The following CSMD1 variants were observed in gnomAD, a reference collection of about 807,000 sequenced individuals.
The protein encoded by CSMD1 is CUB and sushi domain-containing protein 1.
Under a neutral mutation model 417.5 loss-of-function variants are expected in CSMD1, and 213 were observed. The ratio of observed to expected loss-of-function variants is 0.51; its 90% CI spans 0.46 to 0.57. The LOEUF (loss-of-function observed/expected upper bound fraction) is 0.57. Among genes scored for constraint, CSMD1 ranks in the 20% least tolerant of loss-of-function variants. CSMD1 has a pLI of 0.00. For synonymous variants in CSMD1, 2,862 were observed against 1,736.8 expected (o/e 1.65, Z -16.11); for missense variants, 6,923 against 4,529.7 (o/e 1.53, Z -15.17).
chr8:4,473,858 A>G (rs1800661139), intron 2 of CSMD1, among the ~76,000 whole-genome samples: 1 of 152,204 alleles, frequency 6.6e-6, no homozygotes, highest in African/African-American at 2.4e-5. Flanking sequence ...CGTAGCATAT[A>G]TAAGAATTTA....
intron 2 of CSMD1, among the ~76,000 whole-genome samples, chr8:4,633,096 G>C (rs942429553): frequency 2.0e-5 from 3 of 152,186 alleles, no homozygotes; most frequent in South Asian, 4.1e-4. Flanking sequence ...GTGTTCCCGA[G>C]AGGGGAGCCT....
chr8:4,625,190 C>T (rs1357626818), intron 2 of CSMD1, among the ~76,000 whole-genome samples: 1 of 150,120 alleles, frequency 6.7e-6, no homozygotes, highest in Admixed American at 6.7e-5. Flanking sequence ...CAGAGACCCA[C>T]AGGCAACCTC....
intron 6 of CSMD1, among the ~76,000 whole-genome samples, chr8:3,721,737 G>A (rs1343723403): frequency 6.6e-6 from 1 of 152,062 alleles, no homozygotes; most frequent in East Asian, 1.9e-4. Context: ...AAAAATAAAG[G>A]AACAGAATTC....
At chr8:3,146,152 T>C (rs1225889528) in intron 40 of CSMD1, among the ~76,000 whole-genome samples, 2 of 152,150 alleles carry the variant, frequency 1.3e-5, no homozygotes, top group Non-Finnish European at 2.9e-5. Context: ...TTGGAGAGCA[T>C]TGTGTGCACT....
At chr8:3,736,103 G>A (rs1460332481) in intron 6 of CSMD1, among the ~76,000 whole-genome samples, 1 of 152,134 alleles carries the variant, frequency 6.6e-6, no homozygotes, top group Non-Finnish European at 1.5e-5. Flanking sequence ...CAACACTGTT[G>A]TATGCAGTTT....
chr8:4,225,543 C>G (rs915831522), intron 3 of CSMD1, among the ~76,000 whole-genome samples: 5 of 127,512 alleles, frequency 3.9e-5, no homozygotes, highest in South Asian at 2.5e-4. Context: ...TCTATTTTTT[C>G]TTCTTCCTTA....
At chr8:4,444,801 T>C (rs1036119235) in intron 2 of CSMD1, among the ~76,000 whole-genome samples, 1 of 152,136 alleles carries the variant, frequency 6.6e-6, no homozygotes, top group Non-Finnish European at 1.5e-5. Flanking sequence ...TTCCAGATAA[T>C]CAGATGCTTG....
chr8:4,724,881 T>A (rs758279953), intron 1 of CSMD1, among the ~76,000 whole-genome samples: 3 of 152,118 alleles, frequency 2.0e-5, no homozygotes, highest in Non-Finnish European at 4.4e-5. Flanking sequence ...TATTAAAACC[T>A]CAACTATAAT....
intron 5 of CSMD1, among the ~76,000 whole-genome samples, chr8:3,971,088 T>C (rs145358146): frequency 2.6e-5 from 4 of 152,174 alleles, no homozygotes. Flanking sequence ...AGCCGATGTC[T>C]GATGACATAG....
chr8:4,759,425 C>T (rs1811884681), intron 1 of CSMD1, among the ~76,000 whole-genome samples: 1 of 152,172 alleles, frequency 6.6e-6, no homozygotes. Flanking sequence ...ATTTTAAGTT[C>T]AAGGGTACAT....
intron 1 of CSMD1, among the ~76,000 whole-genome samples, chr8:4,834,941 G>A (rs6990677): frequency 0.85 from 103,752 of 122,100 alleles, 45,723 homozygotes; most frequent in East Asian, 0.98. Context: ...TGGGCGACAG[G>A]GCCAGACTCC....
At chr8:3,307,076 CT>C (rs1804920012) in intron 25 of CSMD1, among the ~76,000 whole-genome samples, 1 of 152,114 alleles carries the variant, frequency 6.6e-6, no homozygotes, top group Non-Finnish European at 1.5e-5. Context: ...GCACACAAGT[CT>C]TTTTAAAATA....
intron 7 of CSMD1, among the ~76,000 whole-genome samples, chr8:3,705,434 C>G (rs556608430): frequency 1.4e-4 from 21 of 152,316 alleles, no homozygotes; most frequent in African/African-American, 5.1e-4. Flanking sequence ...GTGAAGCCAG[C>G]ACTGGATGAA....
At chr8:3,078,843 A>G (rs1398945936) in intron 49 of CSMD1, among the ~76,000 whole-genome samples, 1 of 152,132 alleles carries the variant, frequency 6.6e-6, no homozygotes, top group Non-Finnish European at 1.5e-5. Flanking sequence ...ATAGGTTTGC[A>G]CCAAAAACAC....
chr8:4,291,565 T>G (rs1038754957), intron 3 of CSMD1, among the ~76,000 whole-genome samples: 1 of 152,216 alleles, frequency 6.6e-6, no homozygotes, highest in Non-Finnish European at 1.5e-5. Context: ...GTGTAGAAAT[T>G]TTATTAAAGC....
intron 3 of CSMD1, among the ~76,000 whole-genome samples, chr8:4,107,609 G>A (rs1238152914): frequency 1.3e-5 from 2 of 152,166 alleles, no homozygotes; most frequent in African/African-American, 4.8e-5. Context: ...CTGGGAGTAT[G>A]AGCGACTCAA....
At chr8:3,410,577 TC>T in intron 12 of CSMD1, among the ~76,000 whole-genome samples, 1 of 152,304 alleles carries the variant, frequency 6.6e-6, no homozygotes, top group Admixed American at 6.5e-5. Flanking sequence ...CGTGACTTGT[TC>T]CACCTTGCCT....
chr8:4,255,029 T>C lies in CSMD1; in HGVS notation c.415+164924A>G, dbSNP rs1803357366. Reference sequence around the variant, plus strand: ...GAGTTATTTTCATCCAATCCCCTCGTACCATAGAGGAGTTGATCAAGCAAT... The same window carrying C: ...GAGTTATTTTCATCCAATCCCCTCGCACCATAGAGGAGTTGATCAAGCAAT... On this transcript the variant is annotated intron_variant, in intron 3 of 69. Transcript: ENST00000635120. Among the ~76,000 whole-genome samples, 3 of 152,212 alleles carry C rather than the reference T, an allele frequency of 2.0e-5. 1 individual carries two copies. The South Asian group carries it at 6.2e-4, about 32-fold the overall frequency.
chr8:3,447,659 T>C (rs555494793), intron 12 of CSMD1, among the ~76,000 whole-genome samples: 1 of 152,300 alleles, frequency 6.6e-6, no homozygotes, highest in African/African-American at 2.4e-5. Flanking sequence ...TTTGCTGCTT[T>C]ATTTCTCCTG....
Sources: gnomAD v4.1 joint callset for allele counts (sites outside exome capture counted in the v4.1 genomes callset) on GRCh38, gnomAD v4.1.1 for gene constraint, MANE v1.5 for transcripts, NCBI Gene and HGNC (gene_info 2026-07-23, HGNC 2026-07-21) for gene names.